GRID2: variants seen among roughly 807,000 people sequenced by gnomAD.
GRID2 encodes glutamate receptor ionotropic, delta-2.
Under a neutral mutation model 114.8 loss-of-function variants are expected in GRID2, and 33 were observed. That is an observed-to-expected ratio of 0.29 (90% confidence interval 0.22 to 0.38). GRID2 has a LOEUF of 0.38. Among genes scored for constraint, GRID2 ranks in the 10% least tolerant of loss-of-function variants. The pLI is 1.00. For missense variants in GRID2, 1,184 were observed against 1,257.7 expected (o/e 0.94, Z 0.89); for synonymous variants, 505 against 449.9 (o/e 1.12, Z -1.55).
chr4:93,208,842 G>A (rs1743115053), intron 5 of GRID2, among the ~76,000 whole-genome samples: 2 of 151,714 alleles, frequency 1.3e-5, no homozygotes, highest in Non-Finnish European at 1.5e-5. Flanking sequence ...ATAAAGTTCT[G>A]GTACCTTCTA....
intron 4 of GRID2, among the ~76,000 whole-genome samples, chr4:93,177,143 A>T (rs1314327082): frequency 6.6e-6 from 1 of 152,184 alleles, no homozygotes; most frequent in Admixed American, 6.5e-5. Context: ...TCCCAAGATC[A>T]TTCAGATTAT....
intron 2 of GRID2, among the ~76,000 whole-genome samples, chr4:92,754,635 A>G (rs1164410907): frequency 1.3e-5 from 2 of 152,184 alleles, no homozygotes; most frequent in Non-Finnish European, 2.9e-5. Flanking sequence ...GTATAGGGTT[A>G]GTATTATTTA....
intron 2 of GRID2, among the ~76,000 whole-genome samples, chr4:92,676,350 G>T (rs1733371210): frequency 6.6e-6 from 1 of 151,408 alleles, no homozygotes; most frequent in Non-Finnish European, 1.5e-5. Flanking sequence ...CGGCTAATTT[G>T]TTGTATTTTT....
intron 2 of GRID2, among the ~76,000 whole-genome samples, chr4:92,627,527 A>G (rs1056758739): frequency 3.3e-5 from 5 of 152,124 alleles, no homozygotes; most frequent in Admixed American, 6.6e-5. Flanking sequence ...TCTATAGCCA[A>G]TTGATTCTCA....
chr4:93,610,709 G>A (rs1435843595), intron 13 of GRID2, among the ~76,000 whole-genome samples: 3 of 37,290 alleles, frequency 8.0e-5, no homozygotes, highest in Non-Finnish European at 1.0e-4. Flanking sequence ...TGCTGGATTC[G>A]GTTTGCCAGT....
intron 1 of GRID2, among the ~76,000 whole-genome samples, chr4:92,563,607 T>G (rs1276664576): frequency 6.6e-6 from 1 of 152,124 alleles, no homozygotes; most frequent in African/African-American, 2.4e-5. Flanking sequence ...TATTCTTTAA[T>G]GACTGCCTAG....
At chr4:92,411,077 A>G (rs1731277813) in intron 1 of GRID2, among the ~76,000 whole-genome samples, 1 of 152,164 alleles carries the variant, frequency 6.6e-6, no homozygotes, top group Non-Finnish European at 1.5e-5. Flanking sequence ...TGAAGAAGAC[A>G]ACTTATGTCT....
At chr4:93,105,048 C>T (rs558559204) in intron 3 of GRID2, among the ~76,000 whole-genome samples, 1 of 152,146 alleles carries the variant, frequency 6.6e-6, no homozygotes, top group South Asian at 2.1e-4. Flanking sequence ...TTGCATTTCT[C>T]TGATGGCCAG....
chr4:93,750,043 A>G lies in GRID2; in HGVS notation c.2361-19167A>G, dbSNP rs149277351. On this transcript the variant is annotated intron_variant, in intron 14 of 15. Transcript: ENST00000282020. ...ACTGCCATTGGTGAGCACACATTAT[A>G]TAGTTCCCTTTCTTGAGCTTTGCTT... is the stretch of plus-strand genomic sequence containing the variant. Among the ~76,000 whole-genome samples the G allele has an allele frequency of 3.0e-3, 452 of 152,336 alleles. 2 individuals are homozygous for G. The highest frequency in any genetic ancestry group is 9.5e-3 in the Admixed American group (145 of 15,302).
chr4:92,540,146 C>T (rs945544519), intron 1 of GRID2, among the ~76,000 whole-genome samples: 3 of 152,054 alleles, frequency 2.0e-5, no homozygotes, highest in Non-Finnish European at 2.9e-5. Flanking sequence ...AAAATTAATT[C>T]AAGATGGATT....
rs562727179 is a variant in GRID2, at chr4:92,450,216, A to G, written c.89-139915A>G. Among the ~76,000 whole-genome samples, 23 of 152,200 alleles carry G rather than the reference A, an allele frequency of 1.5e-4. No individual in the cohort carries two copies. The South Asian group carries it at 3.3e-3, about 22-fold the overall frequency. On this transcript the variant is annotated intron_variant, in intron 1 of 15. Coordinates refer to ENST00000282020, the MANE Select transcript of GRID2 (RefSeq NM_001510.4). ...ATGTCATATTTTCATCTTCTGGTGT[A>G]CCTATCTTGTGCCTGATGTATAATA...
At chr4:93,249,968 C>A (rs1417334415) in intron 8 of GRID2, among the ~76,000 whole-genome samples, 1 of 152,104 alleles carries the variant, frequency 6.6e-6, no homozygotes, top group Non-Finnish European at 1.5e-5. Flanking sequence ...CCAGAAATAC[C>A]ATTTGACCCA....
chr4:93,123,294 T>C (rs949740296), intron 4 of GRID2, among the ~76,000 whole-genome samples: 1 of 152,108 alleles, frequency 6.6e-6, no homozygotes, highest in African/African-American at 2.4e-5. Context: ...TCCATTCCAT[T>C]TGAATTATTA....
chr4:92,677,945 T>A (rs1021751250), intron 2 of GRID2, among the ~76,000 whole-genome samples: 2 of 152,114 alleles, frequency 1.3e-5, no homozygotes, highest in African/African-American at 4.8e-5. Flanking sequence ...CCTTTCTACT[T>A]TTAATGAAAT....
chr4:93,523,432 C>T (rs1730528707), intron 13 of GRID2, among the ~76,000 whole-genome samples: 1 of 152,040 alleles, frequency 6.6e-6, no homozygotes, highest in Non-Finnish European at 1.5e-5. Context: ...ATACACACAT[C>T]CTGCTGATAA....
chr4:93,756,711 T>A (rs1235669719), intron 14 of GRID2, among the ~76,000 whole-genome samples: 2 of 152,194 alleles, frequency 1.3e-5, no homozygotes, highest in Non-Finnish European at 2.9e-5. Flanking sequence ...CTTCATCATA[T>A]AAACTTTGGA....
At chr4:93,296,198 A>G (rs1579580183) in intron 8 of GRID2, among the ~76,000 whole-genome samples, 1 of 152,136 alleles carries the variant, frequency 6.6e-6, no homozygotes, top group East Asian at 1.9e-4. Flanking sequence ...CTCAAATTCA[A>G]TCTGTACCTT....
intron 4 of GRID2, among the ~76,000 whole-genome samples, chr4:93,154,541 A>G (rs772605891): frequency 2.6e-5 from 4 of 152,070 alleles, no homozygotes; most frequent in Non-Finnish European, 5.9e-5. Context: ...ATTTAAAATC[A>G]TCTACTAAGC....
At chr4:93,224,889 T>G (rs1400236043) in intron 7 of GRID2, 114 bp downstream of exon 7, 1 of 706,730 alleles carries the variant, frequency 1.4e-6, no homozygotes, top group Non-Finnish European at 2.3e-6. Flanking sequence ...AACAGTGTAA[T>G]GGGGAAATTA....
Sources: allele counts gnomAD v4.1 joint callset (sites outside exome capture counted in the v4.1 genomes callset), GRCh38; gene constraint gnomAD v4.1.1; transcripts MANE v1.5; gene names NCBI Gene and HGNC (gene_info 2026-07-23, HGNC 2026-07-21).